ZNF503: variants seen among roughly 807,000 people sequenced by gnomAD.
ZNF503 encodes zinc finger protein 503.
In ZNF503, 15 loss-of-function variants were observed where a neutral mutation model predicts 34.4. The ratio of observed to expected loss-of-function variants is 0.44; its 90% CI spans 0.29 to 0.67. The LOEUF (loss-of-function observed/expected upper bound fraction) is 0.67, where lower values mean the gene tolerates loss of function less well. ZNF503 is among the 30% of genes least tolerant of loss of function. The pLI is 0.13. For missense variants in ZNF503, 1,007 were observed against 926.8 expected (o/e 1.09, Z -1.12); for synonymous variants, 580 against 456.8 (o/e 1.27, Z -3.44).
the ZNF503 span, among the ~76,000 whole-genome samples, chr10:75,345,496 G>T: frequency 6.6e-6 from 1 of 151,468 alleles, no homozygotes; most frequent in Non-Finnish European, 1.5e-5. Context: ...TTAGCCAGGC[G>T]TTGTGGTGGG....
chr10:75,298,447 A>G, the ZNF503 span, among the ~76,000 whole-genome samples: 2 of 152,198 alleles, frequency 1.3e-5, no homozygotes, highest in African/African-American at 4.8e-5. Flanking sequence ...GAGTCATATA[A>G]TATGTGGCCT....
At chr10:75,361,355 C>T in the ZNF503 span, 1 of 152,272 alleles carries the variant, frequency 6.6e-6, no homozygotes, top group South Asian at 2.1e-4. Context: ...ATTAGAAGAT[C>T]AAAAGTACTG....
chr10:75,394,151 G>T (rs564486983), downstream of ZNF503, among the ~76,000 whole-genome samples: 5 of 152,354 alleles, frequency 3.3e-5, no homozygotes, highest in East Asian at 9.6e-4. Context: ...AAAACGAGGT[G>T]AAGATTCTTT....
chr10:75,334,549 A>C, the ZNF503 span, among the ~76,000 whole-genome samples: 2 of 152,046 alleles, frequency 1.3e-5, no homozygotes, highest in East Asian at 3.9e-4. Flanking sequence ...TCCAGAGAGG[A>C]TTTTCTTTTG....
the ZNF503 span, among the ~76,000 whole-genome samples, chr10:75,305,838 T>C: frequency 6.6e-6 from 1 of 152,334 alleles, no homozygotes; most frequent in Admixed American, 6.5e-5. Context: ...AGTTCATCCA[T>C]GTTGTAGCAT....
Position 75,398,140 on chromosome 10 carries a change from T to C in ZNF503, c.*609A>G, listed in dbSNP as rs1035085420. On this transcript the variant is annotated 3_prime_UTR_variant, in exon 2 of 2. Transcript: ENST00000372524. Reference sequence around the variant, plus strand: ...GAAATCAGAGCTGACAAATTGTGACTTTTTTTTTCATTTTTTTTGTAACAA... The same window carrying C: ...GAAATCAGAGCTGACAAATTGTGACCTTTTTTTTCATTTTTTTTGTAACAA... The C allele has an allele frequency of 6.8e-6, 1 of 146,340 alleles. No homozygotes were observed. Among genetic ancestry groups the C allele is most frequent in the Admixed American group, 6.7e-5 (1 of 14,940 alleles). The allele number at this position is 146,340 out of a possible 1,614,324, so 9.1% of individuals were successfully genotyped here.
the ZNF503 span, among the ~76,000 whole-genome samples, chr10:75,365,790 T>C: frequency 6.6e-6 from 1 of 152,236 alleles, no homozygotes; most frequent in Non-Finnish European, 1.5e-5. Context: ...GTGCACGGCC[T>C]ATGGTGAGTG....
chr10:75,400,882 AG>A (rs1253213764), intron 1 of ZNF503: 3 of 674,922 alleles, frequency 4.4e-6, no homozygotes, highest in Non-Finnish European at 7.4e-6. Context: ...TATCGAAAGG[AG>A]AAACAAGTAT....
At chr10:75,331,164 C>T in the ZNF503 span, among the ~76,000 whole-genome samples, 2 of 152,206 alleles carry the variant, frequency 1.3e-5, no homozygotes, top group East Asian at 3.8e-4. Flanking sequence ...TCAGAAAAGA[C>T]ACTTGATATG....
chr10:75,328,444 G>A, the ZNF503 span, among the ~76,000 whole-genome samples: 4 of 152,110 alleles, frequency 2.6e-5, no homozygotes, highest in South Asian at 8.3e-4. Context: ...CTGTTCCATT[G>A]ACCTATATGT....
At chr10:75,370,184 G>A in the ZNF503 span, among the ~76,000 whole-genome samples, 1 of 151,980 alleles carries the variant, frequency 6.6e-6, no homozygotes, top group African/African-American at 2.4e-5. Context: ...TAATAAGTAG[G>A]TATTTACGTT....
At chr10:75,345,046 T>C in the ZNF503 span, among the ~76,000 whole-genome samples, 1 of 152,252 alleles carries the variant, frequency 6.6e-6, no homozygotes, top group Admixed American at 6.5e-5. Context: ...ATGGAGTACC[T>C]GGTAAGGCAA....
the ZNF503 span, among the ~76,000 whole-genome samples, chr10:75,282,973 G>A: frequency 6.6e-6 from 1 of 152,262 alleles, no homozygotes; most frequent in African/African-American, 2.4e-5. Context: ...CAATGTGCAT[G>A]TCACCCTTCT....
chr10:75,365,476 A>G, the ZNF503 span, among the ~76,000 whole-genome samples: 1 of 152,252 alleles, frequency 6.6e-6, no homozygotes, highest in Non-Finnish European at 1.5e-5. Flanking sequence ...AAGAAAAAAG[A>G]GAAATGATCG....
chr10:75,336,709 G>A, the ZNF503 span, among the ~76,000 whole-genome samples: 2 of 152,144 alleles, frequency 1.3e-5, no homozygotes, highest in Non-Finnish European at 2.9e-5. Context: ...GGATCTTCTT[G>A]GAGGCTCTGG....
the ZNF503 span, among the ~76,000 whole-genome samples, chr10:75,311,540 C>T: frequency 2.6e-5 from 4 of 152,020 alleles, no homozygotes. Context: ...CAATTACAAA[C>T]ATTCCTGAAA....
the ZNF503 span, among the ~76,000 whole-genome samples, chr10:75,340,599 T>A: frequency 1.3e-5 from 2 of 148,326 alleles, no homozygotes; most frequent in Non-Finnish European, 1.5e-5. Context: ...CTGCTGTCTC[T>A]TTTTTTTTTG....
At chr10:75,362,278 G>A in the ZNF503 span, among the ~76,000 whole-genome samples, 1 of 152,066 alleles carries the variant, frequency 6.6e-6, no homozygotes, top group South Asian at 2.1e-4. Context: ...CCTGGGAGGG[G>A]GGCACTCTGC....
At chr10:75,359,468 C>T in the ZNF503 span, among the ~76,000 whole-genome samples, 3 of 152,208 alleles carry the variant, frequency 2.0e-5, no homozygotes, top group Admixed American at 6.5e-5. Flanking sequence ...CAGATTTGGG[C>T]AAGAGTCCTG....
Sources: gnomAD v4.1 joint callset for allele counts (sites outside exome capture counted in the v4.1 genomes callset) on GRCh38, gnomAD v4.1.1 for gene constraint, MANE v1.5 for transcripts, NCBI Gene and HGNC (gene_info 2026-07-23, HGNC 2026-07-21) for gene names.